The following MKLN1 variants were observed in gnomAD, a reference collection of about 807,000 sequenced individuals.
MKLN1 encodes the protein muskelin 1, also known as muskelin.
MKLN1 carries 18 observed loss-of-function variants against 99.0 expected under a neutral mutation model. The observed-to-expected ratio is 0.18, with a 90% CI of 0.13 to 0.27. MKLN1 has a LOEUF of 0.27. Ranked by LOEUF, MKLN1 falls within the 10% of genes least tolerant of loss-of-function variation. The probability of loss-of-function intolerance (pLI) is 1.00; values close to 1 mark genes in which losing one functional copy is unlikely to be tolerated. For synonymous variants in MKLN1, 288 were observed against 293.2 expected, an observed-to-expected ratio of 0.98 and a Z score of 0.18; for missense variants, 621 against 875.9, an observed-to-expected ratio of 0.71 and a Z score of 3.67.
In MKLN1 at chr7:131,250,504, G is replaced by A. The variant is rs1797561393; in HGVS notation, c.-179+47530G>A. On this transcript the variant is annotated intron_variant, in intron 3 of 7. Transcript: ENST00000416992. ...AGAGGTCTCTAGTACCTGCAGCCAAGCAGGGCCTGACAAGCTGTTTCCATG... is the reference window on the plus strand; with the variant it reads ...AGAGGTCTCTAGTACCTGCAGCCAAACAGGGCCTGACAAGCTGTTTCCATG... Among the ~76,000 whole-genome samples, 3 of 152,216 alleles carry A rather than the reference G, an allele frequency of 2.0e-5. No individual in the cohort carries two copies. The South Asian group carries it at 6.2e-4, about 32-fold the overall frequency.
intron 3 of MKLN1, among the ~76,000 whole-genome samples, chr7:131,226,876 T>C (rs1036332334): frequency 2.6e-5 from 4 of 152,186 alleles, no homozygotes; most frequent in Non-Finnish European, 5.9e-5. Flanking sequence ...ATGAAGAATA[T>C]TGATTTTCTA....
At chr7:131,227,384 T>C (rs1463740702) in intron 3 of MKLN1, among the ~76,000 whole-genome samples, 2 of 151,676 alleles carry the variant, frequency 1.3e-5, no homozygotes, top group Non-Finnish European at 2.9e-5. Context: ...TTCTTTCTTT[T>C]TTTTCTTTCT....
In MKLN1 at chr7:131,369,725, T is replaced by A. The variant is rs189505482; in HGVS notation, c.99-5699T>A. 2.3e-3 allele frequency among the ~76,000 whole-genome samples: 349 copies of A among 152,360 alleles called. 1 individual carries two copies. Among genetic ancestry groups the A allele is most frequent in the African/African-American group, 8.1e-3 (335 of 41,584 alleles). On this transcript the variant is annotated intron_variant, in intron 1 of 17. Transcript: ENST00000352689. ...GTTTTAATATAATCAAATAGTTACT[T>A]TTTGTTTTACAGATTATGTGTTTCT...
intron 2 of MKLN1, among the ~76,000 whole-genome samples, chr7:131,158,828 T>C (rs1261623377): frequency 6.6e-6 from 1 of 152,162 alleles, no homozygotes; most frequent in African/African-American, 2.4e-5. Flanking sequence ...GTTCATTCAC[T>C]CAGAAAGTGT....
intron 16 of MKLN1, among the ~76,000 whole-genome samples, chr7:131,473,318 A>G (rs1367665685): frequency 6.6e-6 from 1 of 152,168 alleles, no homozygotes; most frequent in East Asian, 1.9e-4. Context: ...TAATGTTATT[A>G]AATGACTTTC....
At chr7:131,200,960 T>C (rs1796718263) in intron 2 of MKLN1, among the ~76,000 whole-genome samples, 1 of 152,208 alleles carries the variant, frequency 6.6e-6, no homozygotes, top group Non-Finnish European at 1.5e-5. Flanking sequence ...ACGTTGTATG[T>C]AAAGGAGTTA....
At chr7:131,171,815 A>T (rs1305829751) in intron 2 of MKLN1, among the ~76,000 whole-genome samples, 2 of 152,268 alleles carry the variant, frequency 1.3e-5, no homozygotes, top group East Asian at 3.8e-4. Context: ...TAATTAAGAA[A>T]TACAACATTG....
At chr7:131,254,853 G>T (rs578249198) in intron 3 of MKLN1, among the ~76,000 whole-genome samples, 2 of 151,796 alleles carry the variant, frequency 1.3e-5, no homozygotes, top group East Asian at 1.9e-4. Context: ...AGAAGAAGAG[G>T]AGAGAGAGAG....
intron 3 of MKLN1, among the ~76,000 whole-genome samples, chr7:131,265,993 G>T (rs1563272387): frequency 1.3e-5 from 2 of 151,964 alleles, no homozygotes; most frequent in Non-Finnish European, 2.9e-5. Flanking sequence ...GATCAACATG[G>T]CGAAACCCTA....
At chr7:131,223,506 C>T (rs1797091454) in intron 3 of MKLN1, among the ~76,000 whole-genome samples, 1 of 152,138 alleles carries the variant, frequency 6.6e-6, no homozygotes, top group Admixed American at 6.5e-5. Flanking sequence ...CTACACTAAC[C>T]CTGACTTGTG....
intron 1 of MKLN1, among the ~76,000 whole-genome samples, chr7:131,114,821 C>T (rs1795250096): frequency 6.6e-6 from 1 of 151,950 alleles, no homozygotes; most frequent in African/African-American, 2.4e-5. Flanking sequence ...CCTGTAGTCC[C>T]AGCTACTCAG....
intron 1 of MKLN1, among the ~76,000 whole-genome samples, chr7:131,356,779 G>A (rs1289141127): frequency 2.0e-5 from 3 of 152,250 alleles, no homozygotes; most frequent in Admixed American, 6.5e-5. Context: ...AATCGTGTGC[G>A]CCAAATATGT....
intron 1 of MKLN1, among the ~76,000 whole-genome samples, chr7:131,328,733 C>T (rs1348548085): frequency 6.6e-6 from 1 of 152,174 alleles, no homozygotes; most frequent in Non-Finnish European, 1.5e-5. Flanking sequence ...ATAGAAACAT[C>T]TGGCTTTAAT....
chr7:131,263,583 T>G (rs897365185), intron 3 of MKLN1, among the ~76,000 whole-genome samples: 1 of 151,676 alleles, frequency 6.6e-6, no homozygotes, highest in African/African-American at 2.4e-5. Context: ...CACTTTTTTT[T>G]TTTTTTGAGA....
At chr7:131,479,714 C>G (rs1797064823) in intron 17 of MKLN1, among the ~76,000 whole-genome samples, 1 of 151,944 alleles carries the variant, frequency 6.6e-6, no homozygotes, top group Non-Finnish European at 1.5e-5. Context: ...GTAGTCCCAG[C>G]TACTCAGGAG....
At chr7:131,276,149 A>G (rs547503160) in intron 3 of MKLN1, among the ~76,000 whole-genome samples, 1 of 152,290 alleles carries the variant, frequency 6.6e-6, no homozygotes, top group South Asian at 2.1e-4. Flanking sequence ...AGGGAAGGAA[A>G]CCACAGAAGC....
chr7:131,305,017 C>T (rs1798433650), intron 3 of MKLN1, among the ~76,000 whole-genome samples: 1 of 152,126 alleles, frequency 6.6e-6, no homozygotes, highest in Admixed American at 6.5e-5. Context: ...CCATCCGTCC[C>T]CTCTGGAGGA....
At chr7:131,421,489 G>A (rs1457198830) in intron 8 of MKLN1, among the ~76,000 whole-genome samples, 1 of 152,116 alleles carries the variant, frequency 6.6e-6, no homozygotes, top group African/African-American at 2.4e-5. Context: ...ACATCCCTGG[G>A]ATTGAATCCT....
At chr7:131,333,605 C>G (rs1244855143) in intron 1 of MKLN1, among the ~76,000 whole-genome samples, 1 of 151,758 alleles carries the variant, frequency 6.6e-6, no homozygotes. Flanking sequence ...GGCGCAGTCT[C>G]GGCTCACCGC....
Sources: allele counts gnomAD v4.1 joint callset (sites outside exome capture counted in the v4.1 genomes callset), GRCh38; gene constraint gnomAD v4.1.1; transcripts MANE v1.5; gene names NCBI Gene and HGNC (gene_info 2026-07-23, HGNC 2026-07-21).